The following ADGRB3 variants were observed in gnomAD, a reference collection of about 807,000 sequenced individuals.
ADGRB3 encodes the protein brain-specific angiogenesis inhibitor 3.
Under a neutral mutation model 193.4 loss-of-function variants are expected in ADGRB3, and 37 were observed. The observed-to-expected ratio is 0.19, with a 90% CI of 0.15 to 0.25. ADGRB3 has a LOEUF of 0.25. Among genes scored for constraint, ADGRB3 ranks in the 10% least tolerant of loss-of-function variants. The pLI, the probability that ADGRB3 is intolerant of heterozygous loss-of-function variation, is 1.00. For missense variants in ADGRB3, 1,637 were observed against 1,852.9 expected (o/e 0.88, Z 2.14); for synonymous variants, 690 against 644.2 (o/e 1.07, Z -1.08).
chr6:69,256,957 T>C, intron 20 of ADGRB3, among the ~76,000 whole-genome samples: 1 of 149,016 alleles, frequency 6.7e-6, no homozygotes. Flanking sequence ...TCTATTGAGA[T>C]AATCATGTGG....
intron 3 of ADGRB3, among the ~76,000 whole-genome samples, chr6:68,674,262 G>A (rs905254561): frequency 6.6e-6 from 1 of 151,864 alleles, no homozygotes; most frequent in Non-Finnish European, 1.5e-5. Flanking sequence ...AAATATTTTA[G>A]GTAATAACAT....
chr6:68,782,779 A>T (rs1766881978), intron 3 of ADGRB3, among the ~76,000 whole-genome samples: 2 of 151,966 alleles, frequency 1.3e-5, no homozygotes, highest in South Asian at 4.1e-4. Flanking sequence ...TTCTTTTGAG[A>T]AGTGTCTGTT....
chr6:68,819,144 A>G (rs1157787038), intron 3 of ADGRB3, among the ~76,000 whole-genome samples: 1 of 151,934 alleles, frequency 6.6e-6, no homozygotes, highest in Non-Finnish European at 1.5e-5. Flanking sequence ...ATATGCACCT[A>G]TCCTCATTTA....
At chr6:69,341,403 A>G (rs1362590403) in intron 26 of ADGRB3, among the ~76,000 whole-genome samples, 1 of 152,202 alleles carries the variant, frequency 6.6e-6, no homozygotes. Flanking sequence ...TGTTGGCTGC[A>G]TAAATGTCTT....
chr6:69,210,027 T>C (rs1455571124), intron 17 of ADGRB3, among the ~76,000 whole-genome samples: 3 of 150,682 alleles, frequency 2.0e-5, no homozygotes, highest in African/African-American at 7.4e-5. Context: ...ACTCTGCTCC[T>C]CTAGAACCAC....
At chr6:69,250,852 TTTAAAACCCTTTGG>T (rs1766603868) in intron 20 of ADGRB3, among the ~76,000 whole-genome samples, 1 of 152,220 alleles carries the variant, frequency 6.6e-6, no homozygotes, top group South Asian at 2.1e-4. Flanking sequence ...CATATGTCTG[TTTAAAACCCTTTGG>T]TGAAAATAAG....
chr6:69,254,266 GA>G (rs1285148205), intron 20 of ADGRB3, among the ~76,000 whole-genome samples: 2 of 152,110 alleles, frequency 1.3e-5, no homozygotes, highest in African/African-American at 4.8e-5. Context: ...CAAAATATCT[GA>G]AAACAGTTGC....
chr6:68,896,300 A>G (rs1016507891), intron 3 of ADGRB3, among the ~76,000 whole-genome samples: 5 of 152,088 alleles, frequency 3.3e-5, no homozygotes, highest in Non-Finnish European at 7.4e-5. Context: ...TGTAGAGGGA[A>G]TACCAAATGA....
chr6:69,037,065 G>GTGATTGGAGACATGTTCCAGAAA (rs1258944356), intron 13 of ADGRB3, among the ~76,000 whole-genome samples: 1 of 152,120 alleles, frequency 6.6e-6, no homozygotes, highest in Non-Finnish European at 1.5e-5. Flanking sequence ...GGGAAATGCA[G>GTGATTGGAGACATGTTCCAGAAA]TGATTGGAGA....
chr6:69,196,596 C>A (rs1172977443), intron 17 of ADGRB3, among the ~76,000 whole-genome samples: 1 of 151,994 alleles, frequency 6.6e-6, no homozygotes, highest in Non-Finnish European at 1.5e-5. Flanking sequence ...AGGGTCACAC[C>A]CAAGTTGTAA....
chr6:69,215,927 G>A (rs1348754256), intron 17 of ADGRB3, among the ~76,000 whole-genome samples: 1 of 152,124 alleles, frequency 6.6e-6, no homozygotes, highest in Non-Finnish European at 1.5e-5. Flanking sequence ...AGCTGACATA[G>A]ATAGTTAATA....
chr6:69,008,206 T>G (rs547362843), intron 11 of ADGRB3, among the ~76,000 whole-genome samples: 1 of 152,140 alleles, frequency 6.6e-6, no homozygotes, highest in Non-Finnish European at 1.5e-5. Context: ...TTAAATGTAT[T>G]TGCTTACTTT....
intron 10 of ADGRB3, among the ~76,000 whole-genome samples, chr6:68,992,207 A>G (rs1237247419): frequency 6.6e-6 from 1 of 152,216 alleles, no homozygotes; most frequent in Non-Finnish European, 1.5e-5. Context: ...AGAACTAAAT[A>G]TGAGTGGTTT....
intron 3 of ADGRB3, among the ~76,000 whole-genome samples, chr6:68,898,407 C>T (rs1373686326): frequency 1.3e-5 from 2 of 152,112 alleles, no homozygotes; most frequent in African/African-American, 4.8e-5. Flanking sequence ...ATGCTAATCT[C>T]TTCTGGAAAT....
In ADGRB3 at chr6:69,063,003, G is replaced by C; in HGVS notation, c.2403G>C (p.Ser801=). Residue 801 remains serine, a synonymous_variant, in exon 16 of 32, where the codon TCG becomes TCC. Coordinates refer to ENST00000370598, the MANE Select transcript of ADGRB3 (RefSeq NM_001704.3). ...GGCCTGAACCCAAAACAACCGATTC[G>C]TTTCTGGAGATAGAACTAGCTCATT... ...TIRPEPKTTD[S]FLEIELAHLA... The C allele has an allele frequency of 6.2e-7, 1 of 1,612,096 alleles. No homozygotes were observed.
At chr6:69,375,595 A>C (rs1294764511) in intron 30 of ADGRB3, among the ~76,000 whole-genome samples, 1 of 152,078 alleles carries the variant, frequency 6.6e-6, no homozygotes, top group Non-Finnish European at 1.5e-5. Flanking sequence ...AAGATTCCTA[A>C]TGTGATGTTA....
At chr6:69,048,755 C>G (rs1385262799) in intron 14 of ADGRB3, among the ~76,000 whole-genome samples, 2 of 151,978 alleles carry the variant, frequency 1.3e-5, no homozygotes, top group African/African-American at 4.8e-5. Flanking sequence ...AATTTAATAC[C>G]TGGATGATAA....
chr6:68,880,153 G>A (rs552619467), intron 3 of ADGRB3, among the ~76,000 whole-genome samples: 3 of 152,192 alleles, frequency 2.0e-5, no homozygotes, highest in African/African-American at 7.2e-5. Context: ...GGATAAGGCA[G>A]CCACTGCCTG....
chr6:69,068,410 A>G (rs1771973427), intron 16 of ADGRB3, among the ~76,000 whole-genome samples: 1 of 152,146 alleles, frequency 6.6e-6, no homozygotes, highest in Non-Finnish European at 1.5e-5. Flanking sequence ...TTCTTTATTA[A>G]AGTTATTTGC....
Sources: gnomAD v4.1 joint callset for allele counts (sites outside exome capture counted in the v4.1 genomes callset) on GRCh38, gnomAD v4.1.1 for gene constraint, MANE v1.5 for transcripts, NCBI Gene and HGNC (gene_info 2026-07-23, HGNC 2026-07-21) for gene names.